Variants in UNC5D observed in about 807,000 individuals in gnomAD.
UNC5D encodes the protein unc-5 netrin receptor D, also known as netrin receptor UNC5D.
Under a neutral mutation model 105.4 loss-of-function variants are expected in UNC5D, and 39 were observed. The observed-to-expected ratio is 0.37, with a 90% CI of 0.29 to 0.48. The LOEUF (loss-of-function observed/expected upper bound fraction) is 0.48, where lower values mean the gene tolerates loss of function less well. Among genes scored for constraint, UNC5D ranks in the 20% least tolerant of loss-of-function variants. The pLI, the probability that UNC5D is intolerant of heterozygous loss-of-function variation, is 0.98. For synonymous variants in UNC5D, 452 were observed against 450.4 expected (o/e 1.00, Z -0.04); for missense variants, 991 against 1,202.4 (o/e 0.82, Z 2.60).
chr8:35,624,463 C>T (rs191588342), intron 4 of UNC5D, among the ~76,000 whole-genome samples: 1 of 152,186 alleles, frequency 6.6e-6, no homozygotes, highest in East Asian at 1.9e-4. Context: ...ATAATAGTCC[C>T]GTATTCGTCT....
At chr8:35,376,185 C>A (rs186984051) in intron 1 of UNC5D, among the ~76,000 whole-genome samples, 5 of 152,198 alleles carry the variant, frequency 3.3e-5, no homozygotes, top group Non-Finnish European at 5.9e-5. Context: ...TTGGGGGAAC[C>A]CTTTGATTTG....
At chr8:35,364,040 C>T (rs2128920048) in intron 1 of UNC5D, among the ~76,000 whole-genome samples, 1 of 152,152 alleles carries the variant, frequency 6.6e-6, no homozygotes, top group African/African-American at 2.4e-5. Context: ...AAAAATTAGA[C>T]AGGCGTCTCA....
intron 1 of UNC5D, among the ~76,000 whole-genome samples, chr8:35,393,816 T>C (rs1490344864): frequency 6.6e-6 from 1 of 152,218 alleles, no homozygotes; most frequent in African/African-American, 2.4e-5. Flanking sequence ...TGAAGGCCTG[T>C]TTTAAGGAAA....
At chr8:35,528,079 G>A (rs2130512716) in intron 1 of UNC5D, among the ~76,000 whole-genome samples, 1 of 143,730 alleles carries the variant, frequency 7.0e-6, no homozygotes, top group African/African-American at 2.6e-5. Context: ...AAGTTTTAGG[G>A]TACATGTGCA....
rs145027081 is a variant in UNC5D, at chr8:35,750,641, G to A, written c.1995G>A (p.Ala665=). The change falls in exon 13 of 17, where the codon GCG becomes GCA. Residue 665 remains alanine (A), a synonymous_variant. Transcript: ENST00000404895. ...GTTACTGCCTTTTGGACCCCTTTGCGTGTCATGTGCTCCTGGACAGCTTTG... is the reference window on the plus strand; with the variant it reads ...GTTACTGCCTTTTGGACCCCTTTGCATGTCATGTGCTCCTGGACAGCTTTG... ...TSCYCLLDPF[A]CHVLLDSFGT... is the part of the protein sequence containing the mutation. The A allele has an allele frequency of 8.7e-6, 14 of 1,613,910 alleles. No homozygotes were observed. The highest frequency in any genetic ancestry group is 1.6e-4 in the Middle Eastern group (1 of 6,084).
At chr8:35,618,327 TTGGTC>T (rs745629393) in intron 4 of UNC5D, among the ~76,000 whole-genome samples, 3 of 152,216 alleles carry the variant, frequency 2.0e-5, no homozygotes, top group Non-Finnish European at 2.9e-5. Flanking sequence ...ACATTGTACA[TTGGTC>T]TGGGAAAGTC....
chr8:35,240,270 T>G (rs1802724448), intron 1 of UNC5D, among the ~76,000 whole-genome samples: 2 of 152,184 alleles, frequency 1.3e-5, no homozygotes, highest in African/African-American at 4.8e-5. Context: ...ACTTTCTAAA[T>G]GGCTACTGCC....
At chr8:35,525,745 C>A in intron 1 of UNC5D, 1 of 1,566,780 alleles carries the variant, frequency 6.4e-7, no homozygotes, top group Non-Finnish European at 8.6e-7. Context: ...CTGAAGTACT[C>A]GCCCGGAGGA....
intron 1 of UNC5D, among the ~76,000 whole-genome samples, chr8:35,291,497 T>G (rs1488004860): frequency 6.6e-6 from 1 of 152,168 alleles, no homozygotes; most frequent in African/African-American, 2.4e-5. Flanking sequence ...CATGGGCCTA[T>G]GGAGCTGATG....
intron 7 of UNC5D, among the ~76,000 whole-genome samples, chr8:35,687,992 C>T (rs1826134047): frequency 2.0e-5 from 3 of 151,856 alleles, no homozygotes; most frequent in Non-Finnish European, 2.9e-5. Flanking sequence ...ATTAGCTGGG[C>T]GTGGTGGCAG....
intron 4 of UNC5D, among the ~76,000 whole-genome samples, chr8:35,657,084 A>ATATATATATATATATG (rs1823812512): frequency 2.2e-5 from 1 of 45,956 alleles, no homozygotes; most frequent in African/African-American, 1.1e-4. Flanking sequence ...GTGTGTGTAT[A>ATATATATATATATATG]TATATATATA....
intron 16 of UNC5D, among the ~76,000 whole-genome samples, chr8:35,789,434 G>A (rs1021099714): frequency 9.3e-5 from 14 of 151,210 alleles, no homozygotes; most frequent in African/African-American, 9.7e-5. Context: ...TGATGAGTAC[G>A]TTAAAAAGAA....
intron 1 of UNC5D, among the ~76,000 whole-genome samples, chr8:35,276,202 T>C (rs747075787): frequency 6.6e-6 from 1 of 152,230 alleles, no homozygotes; most frequent in Non-Finnish European, 1.5e-5. Flanking sequence ...AATAACATGA[T>C]AACAGCAGTA....
chr8:35,642,095 T>G lies in UNC5D; in HGVS notation c.571-41452T>G, dbSNP rs561988339. 9.9e-5 allele frequency among the ~76,000 whole-genome samples: 15 copies of G among 152,208 alleles called. No individual in the cohort carries two copies. The East Asian group carries it at 2.5e-3, about 26-fold the overall frequency. On this transcript the variant is annotated intron_variant, in intron 4 of 16. Coordinates refer to ENST00000404895, the MANE Select transcript of UNC5D (RefSeq NM_080872.4). ...CTGCCTCTCTGACCTGAGGAATAAC[T>G]TTTTCCCTGCGTGAGATTCTGCACC...
chr8:35,290,484 G>A (rs543120344), intron 1 of UNC5D, among the ~76,000 whole-genome samples: 60 of 152,096 alleles, frequency 3.9e-4, no homozygotes, highest in African/African-American at 1.4e-3. Context: ...TAAGGGTAGG[G>A]GGTTGGGGAG....
intron 4 of UNC5D, among the ~76,000 whole-genome samples, chr8:35,658,887 C>T (rs1392605577): frequency 2.6e-5 from 4 of 152,090 alleles, no homozygotes; most frequent in Admixed American, 6.6e-5. Flanking sequence ...CATCTCCTGA[C>T]CTCATGATCC....
intron 8 of UNC5D, among the ~76,000 whole-genome samples, chr8:35,719,634 C>T (rs929239031): frequency 2.6e-5 from 4 of 152,164 alleles, no homozygotes; most frequent in East Asian, 3.8e-4. Context: ...ATAGGAGCCA[C>T]GTGTTAATTC....
intron 1 of UNC5D, among the ~76,000 whole-genome samples, chr8:35,344,085 T>G (rs1391129198): frequency 6.6e-6 from 1 of 152,036 alleles, no homozygotes; most frequent in African/African-American, 2.4e-5. Context: ...GGGATTTGAA[T>G]GTACAGAAAG....
At chr8:35,702,067 A>T (rs1016449809) in intron 7 of UNC5D, among the ~76,000 whole-genome samples, 1 of 152,098 alleles carries the variant, frequency 6.6e-6, no homozygotes, top group Non-Finnish European at 1.5e-5. Flanking sequence ...AAAAGATTAT[A>T]AGACTGAGTT....
Sources: gnomAD v4.1 joint callset for allele counts (sites outside exome capture counted in the v4.1 genomes callset) on GRCh38, gnomAD v4.1.1 for gene constraint, MANE v1.5 for transcripts, NCBI Gene and HGNC (gene_info 2026-07-23, HGNC 2026-07-21) for gene names.